PCYT1A: variants seen among roughly 807,000 people sequenced by gnomAD.
PCYT1A encodes phosphate cytidylyltransferase 1A, choline.
PCYT1A carries 25 observed loss-of-function variants against 43.7 expected under a neutral mutation model. The ratio of observed to expected loss-of-function variants is 0.57; its 90% CI spans 0.42 to 0.80. The LOEUF is 0.80. Among genes scored for constraint, PCYT1A ranks in the 30% least tolerant of loss-of-function variants. PCYT1A has a pLI of 0.00. For missense variants in PCYT1A, 421 were observed against 474.2 expected (o/e 0.89, Z 1.04); for synonymous variants, 172 against 170.7 (o/e 1.01, Z -0.06).
Position 196,273,714 on chromosome 3 carries a change from C to T in PCYT1A, c.-10-3173G>A, listed in dbSNP as rs992395673. On this transcript the variant is annotated intron_variant, in intron 1 of 8. Transcript: ENST00000431016. The surrounding 1 kb of genome is among the most constrained non-coding windows in gnomAD (Gnocchi z 4.1). ...AGTATGGCTGAGTCCAGGGTTTCTACGGGCTTCAGCGGGCAGGAAGTGCAT... is the reference window on the plus strand; with the variant it reads ...AGTATGGCTGAGTCCAGGGTTTCTATGGGCTTCAGCGGGCAGGAAGTGCAT... Among the ~76,000 whole-genome samples the T allele has an allele frequency of 2.4e-4, 36 of 152,308 alleles. No individual in the cohort carries two copies. The highest frequency in any genetic ancestry group is 8.4e-4 in the African/African-American group (35 of 41,576).
At chr3:196,248,163 A>G in intron 4 of PCYT1A, 44 bp downstream of exon 4, 1 of 1,055,820 alleles carries the variant, frequency 9.5e-7, no homozygotes, top group Non-Finnish European at 1.5e-6. Flanking sequence ...CTGTACTATC[A>G]TCTTTTTCTG....
intron 1 of PCYT1A, among the ~76,000 whole-genome samples, chr3:196,272,989 C>G (rs559971690): frequency 1.3e-5 from 2 of 152,334 alleles, no homozygotes; most frequent in Admixed American, 1.3e-4. Context: ...ATGCCAAGGA[C>G]AAGCCAGGCA....
rs893005753 is a variant in PCYT1A, at chr3:196,284,087, C to A, written c.-11+3528G>T. 8.5e-5 allele frequency among the ~76,000 whole-genome samples: 13 copies of A among 152,260 alleles called. 1 individual carries two copies. The highest frequency in any genetic ancestry group is 6.5e-4 in the Admixed American group (10 of 15,292). On this transcript the variant is annotated intron_variant, in intron 1 of 8. Coordinates refer to ENST00000431016, the MANE Select transcript of PCYT1A (RefSeq NM_001312673.2). ...AAGGGAGACCTATTTCTGCTTGATT[C>A]AGAAAGGGAAATTTCTATTAGTAGA...
At chr3:196,254,396 G>A (rs957202730) in intron 3 of PCYT1A, among the ~76,000 whole-genome samples, 3 of 151,930 alleles carry the variant, frequency 2.0e-5, no homozygotes, top group African/African-American at 7.2e-5. Flanking sequence ...TGTCACCCAG[G>A]CTGAAGTGCA....
chr3:196,274,538 G>A (rs1725532455), intron 1 of PCYT1A, among the ~76,000 whole-genome samples: 1 of 152,186 alleles, frequency 6.6e-6, no homozygotes, highest in Admixed American at 6.5e-5. Flanking sequence ...AGAAATTGGG[G>A]GTAGGGGAAA....
chr3:196,266,350 G>C (rs1725274262), intron 2 of PCYT1A, among the ~76,000 whole-genome samples: 1 of 151,658 alleles, frequency 6.6e-6, no homozygotes, highest in South Asian at 2.1e-4. Flanking sequence ...GCGGGCGCCT[G>C]TAGTCCCAGC....
chr3:196,286,198 G>A (rs1725909362), intron 1 of PCYT1A, among the ~76,000 whole-genome samples: 1 of 151,824 alleles, frequency 6.6e-6, no homozygotes, highest in African/African-American at 2.4e-5. Flanking sequence ...CAGTAGCTGG[G>A]ATTCCAGGCA....
intron 2 of PCYT1A, among the ~76,000 whole-genome samples, chr3:196,261,789 C>CA (rs72143123): frequency 1.2e-3 from 151 of 126,306 alleles, no homozygotes; most frequent in Middle Eastern, 4.8e-3. Context: ...AACTCCATCT[C>CA]AAAAAAAAAA....
rs982961253 is a variant in PCYT1A, at chr3:196,241,672, C to T, written c.708+276G>A. The T allele has an allele frequency of 3.2e-5, 45 of 1,391,958 alleles. 1 individual carries two copies. Among genetic ancestry groups the T allele is most frequent in the Admixed American group, 2.2e-4 (10 of 45,942 alleles). 86.2% of individuals were successfully genotyped at this position (1,391,958 alleles called of 1,614,324 possible). A position where few individuals can be genotyped will look rare whatever the true frequency, so the allele number is the denominator to read the frequency against. The stretch of plus-strand genomic sequence containing the variant: ...AAGAGAGAGGAAGTTTAAGAGACAC[C>T]GTTTTCCATTTATTGACAGAAATAC... On this transcript the variant is annotated intron_variant, in intron 7 of 8. Transcript: ENST00000431016.
rs2108762859 is a variant in PCYT1A at position 196,242,427 on chromosome 3, CT to C, written c.565+134del. 6.7e-6 allele frequency: 5 copies of C among 749,152 alleles called. No individual in the cohort carries two copies. Among genetic ancestry groups the C allele is most frequent in the East Asian group, 2.6e-5 (1 of 38,820 alleles). 46.4% of individuals were successfully genotyped at this position (749,152 alleles called of 1,614,324 possible). ...TGATGGGTGCTATGCTCATCTTTACCTTTTATCCAAAATGTGGCCTGAAAGA... is the reference window on the plus strand; with the variant it reads ...TGATGGGTGCTATGCTCATCTTTACCTTTATCCAAAATGTGGCCTGAAAGA... On this transcript the variant is annotated intron_variant, in intron 6 of 8. Coordinates refer to ENST00000431016, the MANE Select transcript of PCYT1A (RefSeq NM_001312673.2). This position sits in a 1 kb window ranked among gnomAD's most constrained non-coding sequence, Gnocchi z 4.2.
chr3:196,253,729 C>G (rs1724870343), intron 3 of PCYT1A, among the ~76,000 whole-genome samples: 1 of 152,106 alleles, frequency 6.6e-6, no homozygotes, highest in African/African-American at 2.4e-5. Flanking sequence ...CATTCCATCC[C>G]AAGTCTTTGG....
intron 2 of PCYT1A, among the ~76,000 whole-genome samples, chr3:196,267,045 G>A (rs963993464): frequency 1.3e-5 from 2 of 152,060 alleles, no homozygotes; most frequent in African/African-American, 2.4e-5. Flanking sequence ...CGGATGTGGT[G>A]GCTGGCGCCT....
At chr3:196,260,631 C>T (rs145718018) in intron 2 of PCYT1A, among the ~76,000 whole-genome samples, 2,814 of 152,164 alleles carry the variant, frequency 0.018, 32 homozygotes, top group Non-Finnish European at 0.026. Flanking sequence ...CCACCTAGGT[C>T]GGGAGTTCGA....
Position 196,238,447 on chromosome 3 carries a change from G to A in PCYT1A, c.*241C>T, listed in dbSNP as rs3087896. On this transcript the variant is annotated 3_prime_UTR_variant, in exon 9 of 9. Transcript: ENST00000431016. ...ATAAACAGTGAAACAAAGCCCTTGG[G>A]GGGGGGTAAATGGATGCAGAGCAGG... The A allele has an allele frequency of 0.11, 40,656 of 357,400 alleles. 2,696 individuals carry two copies. The highest frequency in any genetic ancestry group is 0.17 in the South Asian group (1,202 of 6,946). The allele number at this position is 357,400 out of a possible 1,614,324, so 22.1% of individuals were successfully genotyped here. A position where few individuals can be genotyped will look rare whatever the true frequency, so the allele number is the denominator to read the frequency against.
At chr3:196,264,601 T>A (rs978956561) in intron 2 of PCYT1A, among the ~76,000 whole-genome samples, 2 of 152,206 alleles carry the variant, frequency 1.3e-5, no homozygotes, top group African/African-American at 4.8e-5. Context: ...AGTCAGTCTC[T>A]TGCTTCTCAA....
At chr3:196,245,693 T>C (rs1487666050) in intron 5 of PCYT1A, among the ~76,000 whole-genome samples, 4 of 151,944 alleles carry the variant, frequency 2.6e-5, no homozygotes, top group South Asian at 2.1e-4. Flanking sequence ...CAGGGATCCA[T>C]AGGCAGCAAA....
In PCYT1A at chr3:196,247,941, G is replaced by T; in HGVS notation, c.334+266C>A. On this transcript the variant is annotated intron_variant, in intron 4 of 8. Coordinates refer to ENST00000431016, the MANE Select transcript of PCYT1A (RefSeq NM_001312673.2). The surrounding 1 kb of genome is among the most constrained non-coding windows in gnomAD (Gnocchi z 4.8). Reference sequence around the variant, plus strand: ...AATCTAAAGCAAATGTTTTAAAGTGGACAACGGAAGTCACGGCTGCTCCTG... The same window carrying T: ...AATCTAAAGCAAATGTTTTAAAGTGTACAACGGAAGTCACGGCTGCTCCTG... The T allele has an allele frequency of 1.9e-6, 1 of 520,080 alleles. No homozygotes were observed. The highest frequency in any genetic ancestry group is 3.5e-6 in the Non-Finnish European group (1 of 287,696). The allele number at this position is 520,080 out of a possible 1,614,324, so 32.2% of individuals were successfully genotyped here.
rs769196772 is a variant in PCYT1A at position 196,238,847 on chromosome 3, G to A, written c.945C>T (p.Ser315=). ...GGCTGCTGCTGGGGCTCTGCTTCGG[G>A]CTGATGGCCTGCAGCATCCGGCCCT... ...EGKGRMLQAI[S]PKQSPSSSPT... The change falls in exon 9 of 9, where the codon AGC becomes AGT. Residue 315 remains serine (S), a synonymous_variant. Coordinates refer to ENST00000431016, the MANE Select transcript of PCYT1A (RefSeq NM_001312673.2). 2 of 1,537,794 alleles carry A rather than the reference G, an allele frequency of 1.3e-6. No homozygotes were observed. Among genetic ancestry groups the A allele is most frequent in the Non-Finnish European group, 1.8e-6 (2 of 1,142,760 alleles).
rs553098432 is a variant in PCYT1A at position 196,268,692 on chromosome 3, G to A, written c.117+1723C>T. On this transcript the variant is annotated intron_variant, in intron 2 of 8. Coordinates refer to ENST00000431016, the MANE Select transcript of PCYT1A (RefSeq NM_001312673.2). The surrounding 1 kb of genome is among the most constrained non-coding windows in gnomAD (Gnocchi z 4.4). Reference sequence around the variant, plus strand: ...CACCTGCAATCCCAGCCACTTGGGAGGCTGAGGCAGGGAAATCACTTGAAC... The same window carrying A: ...CACCTGCAATCCCAGCCACTTGGGAAGCTGAGGCAGGGAAATCACTTGAAC... Among the ~76,000 whole-genome samples the A allele has an allele frequency of 4.7e-4, 72 of 152,328 alleles. No homozygotes were observed. Among genetic ancestry groups the A allele is most frequent in the African/African-American group, 1.7e-3 (70 of 41,574 alleles).
Sources: gnomAD v4.1 joint callset for allele counts (sites outside exome capture counted in the v4.1 genomes callset) on GRCh38, gnomAD v4.1.1 for gene constraint, Gnocchi (gnomAD v3.1) non-coding constraint, MANE v1.5 for transcripts, NCBI Gene and HGNC (gene_info 2026-07-23, HGNC 2026-07-21) for gene names.